HDAC8: variants seen among roughly 807,000 people sequenced by gnomAD.
The protein encoded by HDAC8 is histone deacetylase-like 1.
Under a neutral mutation model 32.2 loss-of-function variants are expected in HDAC8, and 1 was observed. The ratio of observed to expected loss-of-function variants is 0.03; its 90% CI spans 0.01 to 0.15. HDAC8 has a LOEUF of 0.15. Among genes scored for constraint, HDAC8 ranks in the 10% least tolerant of loss-of-function variants. HDAC8 has a pLI of 1.00. For synonymous variants in HDAC8, 108 were observed against 113.9 expected (o/e 0.95, Z 0.33); for missense variants, 117 against 300.0 (o/e 0.39, Z 4.51).
intron 10 of HDAC8, among the ~76,000 whole-genome samples, chrX:72,343,424 C>T (rs1161167718): frequency 9.1e-6 from 1 of 110,007 alleles, no homozygotes; most frequent in East Asian, 2.9e-4. Context: ...CTGCCTGTCT[C>T]GGCCTCTCAA....
chrX:72,552,988 T>C (rs1313846607), intron 4 of HDAC8, among the ~76,000 whole-genome samples: 1 of 110,705 alleles, frequency 9.0e-6, no homozygotes. Flanking sequence ...AAAAACAAAA[T>C]CAACATTATA....
At position 72,425,129 on chromosome X, in the gene HDAC8, C is replaced by G. The variant is rs190980908; in HGVS notation, c.1005+36875G>C. Among the ~76,000 whole-genome samples, 6 of 111,934 alleles carry G rather than the reference C, an allele frequency of 5.4e-5. No homozygotes were observed. The Admixed American group carries it at 5.7e-4, about 11-fold the overall frequency. On this transcript the variant is annotated intron_variant, in intron 9 of 10. Coordinates refer to ENST00000373573, the MANE Select transcript of HDAC8 (RefSeq NM_018486.3). ...TTTAACTTTTTGAGGAACTGCCAAC[C>G]TATTTTCCATAGCAGCTGCACCATT...
intron 4 of HDAC8, among the ~76,000 whole-genome samples, chrX:72,523,675 A>G (rs1556030056): frequency 1.8e-5 from 2 of 111,942 alleles, no homozygotes; most frequent in Non-Finnish European, 3.8e-5. Flanking sequence ...AACAACATGA[A>G]CAATCCCAAT....
At chrX:72,433,367 T>C (rs2046869601) in intron 9 of HDAC8, among the ~76,000 whole-genome samples, 1 of 112,107 alleles carries the variant, frequency 8.9e-6, no homozygotes, top group South Asian at 3.7e-4. Context: ...GTGCTTGTGC[T>C]GAAAAACCAA....
chrX:72,342,618 C>T lies in HDAC8; in HGVS notation c.1111+9115G>A, dbSNP rs782481114. Among the ~76,000 whole-genome samples, 5 of 112,136 alleles carry T rather than the reference C, an allele frequency of 4.5e-5. No homozygotes were observed. In the South Asian group the frequency reaches 1.1e-3, roughly 25 times the overall value. ...GCTGGAGGGAAATGAGCAATACAAT[C>T]GCTTTGGGCATGTACTTCGGGCACA... On this transcript the variant is annotated intron_variant, in intron 10 of 10. Transcript: ENST00000373573.
chrX:72,533,231 T>C (rs1485519783), intron 4 of HDAC8, among the ~76,000 whole-genome samples: 1 of 112,079 alleles, frequency 8.9e-6, no homozygotes, highest in African/African-American at 3.2e-5. Context: ...TCTATCCTTA[T>C]GCCAGTAACA....
chrX:72,354,669 T>TA (rs2044278043), intron 9 of HDAC8, among the ~76,000 whole-genome samples: 1 of 111,803 alleles, frequency 8.9e-6, no homozygotes, highest in East Asian at 2.8e-4. Flanking sequence ...AAGCTTCATT[T>TA]AAAAAAAATT....
intron 7 of HDAC8, among the ~76,000 whole-genome samples, chrX:72,488,691 T>A (rs1459934781): frequency 1.8e-5 from 2 of 111,545 alleles, no homozygotes; most frequent in Non-Finnish European, 3.8e-5. Context: ...GCTCTGCTCT[T>A]GGGATGGGCT....
intron 9 of HDAC8, among the ~76,000 whole-genome samples, chrX:72,395,483 C>T (rs1555965342): frequency 8.9e-6 from 1 of 112,275 alleles, no homozygotes; most frequent in Non-Finnish European, 1.9e-5. Flanking sequence ...TTAATTTAAC[C>T]CTTAGTCCAT....
At chrX:72,488,050 C>T (rs2048737140) in intron 7 of HDAC8, among the ~76,000 whole-genome samples, 1 of 111,107 alleles carries the variant, frequency 9.0e-6, no homozygotes, top group South Asian at 3.9e-4. Context: ...CTTGGCTCAC[C>T]AAATCTCTTG....
chrX:72,488,196 G>A (rs1301584510), intron 7 of HDAC8, among the ~76,000 whole-genome samples: 7 of 111,644 alleles, frequency 6.3e-5, no homozygotes, highest in African/African-American at 1.6e-4. Context: ...GGAGAAATAC[G>A]AGCTAAGTTG....
Position 72,431,123 on chromosome X carries a change from G to A in HDAC8, c.1005+30881C>T, listed in dbSNP as rs142099300. ...GTCTTTTGGCCTCACAACCAGCCTAGACCACATGATTACACACTTGAACCC... is the reference window on the plus strand; with the variant it reads ...GTCTTTTGGCCTCACAACCAGCCTAAACCACATGATTACACACTTGAACCC... On this transcript the variant is annotated intron_variant, in intron 9 of 10. Transcript: ENST00000373573. 3.7e-3 allele frequency among the ~76,000 whole-genome samples: 409 copies of A among 110,520 alleles called. 3 individuals are homozygous for A. Among genetic ancestry groups the A allele is most frequent in the Admixed American group, 5.2e-3 (54 of 10,369 alleles).
intron 4 of HDAC8, among the ~76,000 whole-genome samples, chrX:72,537,696 C>T (rs1490958860): frequency 8.9e-6 from 1 of 112,023 alleles, no homozygotes; most frequent in Non-Finnish European, 1.9e-5. Flanking sequence ...CCATAGTTAC[C>T]AGTTGACTTG....
At chrX:72,528,368 A>G (rs2050224418) in intron 4 of HDAC8, among the ~76,000 whole-genome samples, 3 of 112,169 alleles carry the variant, frequency 2.7e-5, no homozygotes, top group Non-Finnish European at 5.6e-5. Flanking sequence ...CATGAGACTG[A>G]AAAATTAGAT....
intron 4 of HDAC8, among the ~76,000 whole-genome samples, chrX:72,560,967 TAA>T (rs1161193241): frequency 9.6e-6 from 1 of 104,545 alleles, no homozygotes; most frequent in Non-Finnish European, 2.0e-5. Flanking sequence ...CTAATAAAAA[TAA>T]AAAAAAAAGA....
intron 9 of HDAC8, among the ~76,000 whole-genome samples, chrX:72,362,605 G>A (rs1297742034): frequency 8.9e-6 from 1 of 112,258 alleles, no homozygotes; most frequent in Non-Finnish European, 1.9e-5. Flanking sequence ...CAATAAATGA[G>A]TGAATTCATG....
intron 7 of HDAC8, chrX:72,473,935 C>G (rs2048256138): frequency 1.5e-5 from 11 of 719,602 alleles, no homozygotes; most frequent in Middle Eastern, 1.6e-3. Flanking sequence ...TTCTTTGCAA[C>G]TTCTCCTCCA....
chrX:72,537,208 C>G (rs782267473), intron 4 of HDAC8, among the ~76,000 whole-genome samples: 1 of 112,023 alleles, frequency 8.9e-6, no homozygotes, highest in African/African-American at 3.2e-5. Flanking sequence ...GAAGACCAAC[C>G]TTTAATCAGA....
intron 9 of HDAC8, among the ~76,000 whole-genome samples, chrX:72,405,838 C>T (rs187872853): frequency 2.7e-5 from 3 of 111,844 alleles, no homozygotes; most frequent in East Asian, 2.8e-4. Flanking sequence ...ATGTATAAAG[C>T]TTCATTGAGG....
Sources: allele counts gnomAD v4.1 joint callset (sites outside exome capture counted in the v4.1 genomes callset), GRCh38; gene constraint gnomAD v4.1.1; transcripts MANE v1.5; gene names NCBI Gene and HGNC (gene_info 2026-07-23, HGNC 2026-07-21).